AHI1: variants seen among roughly 807,000 people sequenced by gnomAD.
AHI1 encodes the protein Abelson helper integration site 1.
Under a neutral mutation model 149.3 loss-of-function variants are expected in AHI1, and 123 were observed. That is an observed-to-expected ratio of 0.82 (90% CI 0.71 to 0.96). The LOEUF (loss-of-function observed/expected upper bound fraction) is 0.96, where lower values mean the gene tolerates loss of function less well. AHI1 is among the 40% of genes least tolerant of loss of function. AHI1 has a pLI of 0.00. For missense variants in AHI1, 1,439 were observed against 1,422.7 expected, an observed-to-expected ratio of 1.01 and a Z score of -0.18; for synonymous variants, 475 against 459.8, an observed-to-expected ratio of 1.03 and a Z score of -0.42.
In AHI1 at chr6:135,285,283, C is replaced by G. The variant is rs1191998756; in HGVS notation, c.*362G>C. ...ATAATAATATTAAATGATTACTTAA[C>G]AGACATCCTAATAACGCAAACACCT... On this transcript the variant is annotated 3_prime_UTR_variant, in exon 29 of 29. Coordinates refer to ENST00000265602, the MANE Select transcript of AHI1 (RefSeq NM_001134831.2). The G allele has an allele frequency of 3.0e-5, 9 of 304,790 alleles. No individual in the cohort carries two copies. Among genetic ancestry groups the G allele is most frequent in the Non-Finnish European group, 4.9e-5 (8 of 162,562 alleles). The allele number at this position is 304,790 out of a possible 1,614,324, so 18.9% of individuals were successfully genotyped here.
chr6:135,373,390 G>GT (rs1281017655), intron 23 of AHI1, among the ~76,000 whole-genome samples: 1 of 152,122 alleles, frequency 6.6e-6, no homozygotes, highest in Admixed American at 6.5e-5. Context: ...CTAGGTTTGT[G>GT]TAAGTACACT....
chr6:135,361,066 C>T (rs766685075), intron 23 of AHI1, among the ~76,000 whole-genome samples: 13 of 152,098 alleles, frequency 8.5e-5, no homozygotes, highest in Non-Finnish European at 1.6e-4. Flanking sequence ...AATAGTTTTA[C>T]TCTTCCATTT....
chr6:135,352,813 T>G (rs1792359573), intron 24 of AHI1, among the ~76,000 whole-genome samples: 2 of 24,512 alleles, frequency 8.2e-5, no homozygotes, highest in South Asian at 9.1e-4. Context: ...TTTTGTGGGT[T>G]TTTTTTTTTT....
intron 22 of AHI1, among the ~76,000 whole-genome samples, chr6:135,396,892 T>G (rs1186078552): frequency 6.6e-6 from 1 of 150,450 alleles, no homozygotes. Flanking sequence ...ATTTATAGTC[T>G]TCTTCTTCAG....
chr6:135,389,556 G>A (rs2614264), intron 23 of AHI1, among the ~76,000 whole-genome samples: 85,312 of 151,932 alleles, frequency 0.56, 24,017 homozygotes, highest in Middle Eastern at 0.71. Flanking sequence ...TTTGGAGAAG[G>A]CAGAAGCTAT....
At chr6:135,400,939 C>T (rs148293258) in intron 22 of AHI1, among the ~76,000 whole-genome samples, 319 of 152,300 alleles carry the variant, frequency 2.1e-3, no homozygotes, top group Middle Eastern at 6.8e-3. Flanking sequence ...GGCAGACCCA[C>T]AGACTGTGTC....
At chr6:135,293,402 A>G (rs1562444393) in intron 27 of AHI1, among the ~76,000 whole-genome samples, 1 of 98,138 alleles carries the variant, frequency 1.0e-5, no homozygotes, top group Non-Finnish European at 1.8e-5. Context: ...CAAAAAAAAA[A>G]AAAGAAAAAA....
At chr6:135,352,701 G>GTATA (rs557236679) in intron 24 of AHI1, among the ~76,000 whole-genome samples, 20 of 129,488 alleles carry the variant, frequency 1.5e-4, no homozygotes, top group African/African-American at 6.9e-4. Context: ...CATTGTGTGT[G>GTATA]TATATATATA....
intron 26 of AHI1, among the ~76,000 whole-genome samples, chr6:135,311,370 A>T (rs1450470453): frequency 6.6e-6 from 1 of 151,430 alleles, no homozygotes; most frequent in East Asian, 1.9e-4. Flanking sequence ...CTTAAGTATG[A>T]TCCTAGTTTC....
At chr6:135,299,874 C>T (rs1359219918) in intron 27 of AHI1, among the ~76,000 whole-genome samples, 2 of 151,976 alleles carry the variant, frequency 1.3e-5, no homozygotes, top group East Asian at 1.9e-4. Context: ...TTTTAATACA[C>T]GTTCACTTGT....
intron 23 of AHI1, among the ~76,000 whole-genome samples, chr6:135,372,194 T>C (rs1436445377): frequency 6.6e-6 from 1 of 152,166 alleles, no homozygotes; most frequent in Non-Finnish European, 1.5e-5. Flanking sequence ...TTGATTTTGC[T>C]ACAACTCAGA....
chr6:135,455,747 A>G lies in AHI1; in HGVS notation c.1331T>C (p.Ile444Thr), dbSNP rs745664569. Reference protein sequence around the residue: ...LRGSDESPKVILFFEILDFLS... With the variant: ...LRGSDESPKVTLFFEILDFLS... ...TTCAATTCATACCTCAAAGAACAGG[A>G]TGACTTTAGGACTCTCATCAGAGCC... Residue 444 changes from isoleucine to threonine, a missense_variant, in exon 10 of 29, where the codon ATC (isoleucine) becomes ACC (threonine). By Grantham distance (89) the Ile-to-Thr change is moderately conservative. Transcript: ENST00000265602. 11 of 1,594,412 alleles carry G rather than the reference A, an allele frequency of 6.9e-6. No individual in the cohort carries two copies. In the South Asian group the frequency reaches 1.3e-4, roughly 18 times the overall value.
chr6:135,427,156 G>A lies in AHI1; in HGVS notation c.2764+11C>T. 6.2e-7 allele frequency: 1 copy of A among 1,607,222 alleles called. No individual in the cohort carries two copies. The highest frequency in any genetic ancestry group is 1.3e-5 in the African/African-American group (1 of 74,798). On this transcript the variant is annotated intron_variant, in intron 20 of 28. Coordinates refer to ENST00000265602, the MANE Select transcript of AHI1 (RefSeq NM_001134831.2). ...TCTAAAAATTCTTTACTTATCAAGTGGTAGACTTACCATGGAAATCGTAAA... is the reference window on the plus strand; with the variant it reads ...TCTAAAAATTCTTTACTTATCAAGTAGTAGACTTACCATGGAAATCGTAAA...
chr6:135,329,530 A>T (rs1788213992), intron 24 of AHI1, among the ~76,000 whole-genome samples: 1 of 152,232 alleles, frequency 6.6e-6, no homozygotes, highest in African/African-American at 2.4e-5. Context: ...TGCTCAGAAA[A>T]AAAGATTCCT....
intron 5 of AHI1, among the ~76,000 whole-genome samples, chr6:135,476,670 T>G (rs12206850): frequency 6.6e-6 from 1 of 151,974 alleles, no homozygotes; most frequent in African/African-American, 2.4e-5. Context: ...ATGAGTTTCA[T>G]ACACAGTCAG....
At chr6:135,442,793 G>A (rs1786529473) in intron 13 of AHI1, 79 bp from the exon 14 acceptor site, 8 of 1,306,690 alleles carry the variant, frequency 6.1e-6, no homozygotes, top group Non-Finnish European at 8.3e-6. Context: ...AATTACTGTA[G>A]TTCTTTTAAG....
Position 135,283,884 on chromosome 6 carries a change from C to G in AHI1, c.*1761G>C, listed in dbSNP as rs1385411251. Reference sequence around the variant, plus strand: ...GAGCTTAGCAAATGCTTAGCTCCCCCTGACATATTTTTCATTCATCTTAAA... The same window carrying G: ...GAGCTTAGCAAATGCTTAGCTCCCCGTGACATATTTTTCATTCATCTTAAA... On this transcript the variant is annotated 3_prime_UTR_variant, in exon 29 of 29. Coordinates refer to ENST00000265602, the MANE Select transcript of AHI1 (RefSeq NM_001134831.2). 3 of 152,158 alleles carry G rather than the reference C, an allele frequency of 2.0e-5. No individual in the cohort carries two copies. The highest frequency in any genetic ancestry group is 2.9e-5 in the Non-Finnish European group (2 of 68,032). 9.4% of individuals were successfully genotyped at this position (152,158 alleles called of 1,614,324 possible).
At chr6:135,363,688 C>T (rs1794314499) in intron 23 of AHI1, among the ~76,000 whole-genome samples, 1 of 148,262 alleles carries the variant, frequency 6.7e-6, no homozygotes, top group Non-Finnish European at 1.5e-5. Flanking sequence ...CTGACCCCCC[C>T]ACCTCCCTCC....
At chr6:135,293,426 A>G (rs1173656530) in intron 27 of AHI1, among the ~76,000 whole-genome samples, 2 of 135,356 alleles carry the variant, frequency 1.5e-5, no homozygotes, top group Non-Finnish European at 3.4e-5. Context: ...AAAAAAAAAG[A>G]AAAAAAGAAA....
Sources: gnomAD v4.1 joint callset for allele counts (sites outside exome capture counted in the v4.1 genomes callset) on GRCh38, gnomAD v4.1.1 for gene constraint, MANE v1.5 for transcripts, NCBI Gene and HGNC (gene_info 2026-07-23, HGNC 2026-07-21) for gene names.